Variants in USP10 observed in about 807,000 individuals in gnomAD.
USP10 encodes the protein ubiquitin specific peptidase 10.
In USP10, 22 loss-of-function variants were observed where a neutral mutation model predicts 84.5. The observed-to-expected ratio is 0.26, with a 90% CI of 0.19 to 0.37. USP10 has a LOEUF of 0.37. Among genes scored for constraint, USP10 ranks in the 10% least tolerant of loss-of-function variants. USP10 has a pLI of 1.00. For synonymous variants in USP10, 454 were observed against 387.6 expected, an observed-to-expected ratio of 1.17 and a Z score of -2.01; for missense variants, 1,019 against 998.9, an observed-to-expected ratio of 1.02 and a Z score of -0.27.
At chr16:84,708,053 G>C (rs980227262) in intron 1 of USP10, among the ~76,000 whole-genome samples, 7 of 152,108 alleles carry the variant, frequency 4.6e-5, no homozygotes, top group Non-Finnish European at 8.8e-5. Flanking sequence ...ACTTCAGCTT[G>C]GGTGACAGAG....
chr16:84,751,734 A>G (rs1052065027), intron 4 of USP10, among the ~76,000 whole-genome samples: 1 of 152,200 alleles, frequency 6.6e-6, no homozygotes, highest in Non-Finnish European at 1.5e-5. Context: ...GACAGTTAGA[A>G]TGATGACAGA....
chr16:84,707,034 T>C (rs112902901), intron 1 of USP10, among the ~76,000 whole-genome samples: 3 of 152,232 alleles, frequency 2.0e-5, no homozygotes, highest in Non-Finnish European at 4.4e-5. Flanking sequence ...CTCTGTCCTG[T>C]ATTATTATAA....
rs138509207 is a variant in USP10, at chr16:84,719,841, G to C, written c.22-13594G>C. Reference sequence around the variant, plus strand: ...TATACTTGCATAATTTAAATCTTTGGAGGGCATGTTTCGACAGATCATTAG... The same window carrying C: ...TATACTTGCATAATTTAAATCTTTGCAGGGCATGTTTCGACAGATCATTAG... On this transcript the variant is annotated intron_variant, in intron 1 of 13. Transcript: ENST00000219473. Among the ~76,000 whole-genome samples the C allele has an allele frequency of 8.8e-4, 134 of 152,344 alleles. 1 individual carries two copies. The highest frequency in any genetic ancestry group is 3.2e-3 in the African/African-American group (132 of 41,578).
intron 1 of USP10, among the ~76,000 whole-genome samples, chr16:84,700,892 C>G (rs1904781067): frequency 1.3e-5 from 2 of 151,866 alleles, no homozygotes; most frequent in Admixed American, 6.6e-5. Flanking sequence ...ATTCCCCTCT[C>G]CCACCCCTTC....
chr16:84,741,016 C>T (rs189609631), intron 3 of USP10, among the ~76,000 whole-genome samples: 19 of 152,308 alleles, frequency 1.2e-4, no homozygotes, highest in Admixed American at 6.5e-4. Flanking sequence ...TCAAACTTGT[C>T]GAGATCATTT....
At chr16:84,770,987 G>A (rs1914389583) in intron 11 of USP10, among the ~76,000 whole-genome samples, 1 of 151,854 alleles carries the variant, frequency 6.6e-6, no homozygotes, top group South Asian at 2.1e-4. Context: ...AACCCTGGAG[G>A]TGGAGGTTGC....
intron 1 of USP10, among the ~76,000 whole-genome samples, chr16:84,700,584 A>G (rs919625485): frequency 3.9e-5 from 6 of 152,132 alleles, no homozygotes; most frequent in Non-Finnish European, 5.9e-5. Flanking sequence ...CTTTGCCCCA[A>G]GAGCTTCCTT....
chr16:84,751,712 GAGAATGTTCTGGAC>G lies in USP10; in HGVS notation c.1192+6042_1192+6055del, dbSNP rs1911959662. Among the ~76,000 whole-genome samples, 3 of 152,294 alleles carry G rather than the reference GAGAATGTTCTGGAC, an allele frequency of 2.0e-5. No individual in the cohort carries two copies. The South Asian group carries it at 6.2e-4, about 32-fold the overall frequency. ...GTAATGAGGAAAAGAAAAGCACTTG[GAGAATGTTCTGGAC>G]AGTTAGAATGATGACAGAAAAGCAG... is the stretch of plus-strand genomic sequence containing the variant. On this transcript the variant is annotated intron_variant, in intron 4 of 13. Coordinates refer to ENST00000219473, the MANE Select transcript of USP10 (RefSeq NM_005153.3).
chr16:84,744,170 G>C (rs1910947155), intron 3 of USP10, among the ~76,000 whole-genome samples: 1 of 151,250 alleles, frequency 6.6e-6, no homozygotes. Flanking sequence ...CATGTTTTTG[G>C]AATTAATCAA....
chr16:84,720,576 A>ATTTTTTTTTTTTTTTTTT lies in USP10; in HGVS notation c.22-12853_22-12836dup, dbSNP rs10699847. Among the ~76,000 whole-genome samples, 380 of 88,334 alleles carry ATTTTTTTTTTTTTTTTTT rather than the reference A, an allele frequency of 4.3e-3. 28 individuals carry two copies. The highest frequency in any genetic ancestry group is 5.8e-3 in the Non-Finnish European group (291 of 50,274). 58.0% of individuals were successfully genotyped at this position (88,334 alleles called of 152,430 possible). ...ATGCAGAATAAAAAGATGATGCCCA[A>ATTTTTTTTTTTTTTTTTT]TTTTTTTTTTTTTTTTTTTTTTTGA... is the stretch of plus-strand genomic sequence containing the variant. On this transcript the variant is annotated intron_variant, in intron 1 of 13. Coordinates refer to ENST00000219473, the MANE Select transcript of USP10 (RefSeq NM_005153.3).
rs1210085989 is a variant in USP10 at position 84,779,030 on chromosome 16, C to T, written c.2345C>T (p.Thr782Ile). The T allele has an allele frequency of 6.2e-7, 1 of 1,614,012 alleles. No homozygotes were observed. Residue 782 changes from threonine to isoleucine, a missense_variant, in exon 14 of 14, where the codon ACT (threonine) becomes ATT (isoleucine). By Grantham distance (89) the Thr-to-Ile change is moderately conservative. Around this residue, in one of 2 missense-constraint regions of USP10, gnomAD observed 232 missense variants for 290.1 expected, o/e 0.80. Transcript: ENST00000219473. ...VINQYQVVKP[T>I]AERTAYLLYY... ...AACCAGTACCAGGTGGTGAAACCAACTGCTGAACGCACAGCCTACCTCCTG... is the reference window on the plus strand; with the variant it reads ...AACCAGTACCAGGTGGTGAAACCAATTGCTGAACGCACAGCCTACCTCCTG...
At chr16:84,774,461 A>G (rs1007455381) in intron 12 of USP10, among the ~76,000 whole-genome samples, 1 of 151,230 alleles carries the variant, frequency 6.6e-6, no homozygotes, top group African/African-American at 2.4e-5. Context: ...CTGTAACTGA[A>G]GTTTTGTTTT....
chr16:84,742,793 A>G (rs1392231690), intron 3 of USP10, among the ~76,000 whole-genome samples: 1 of 152,200 alleles, frequency 6.6e-6, no homozygotes, highest in Non-Finnish European at 1.5e-5. Flanking sequence ...TAGTGAGATG[A>G]TCAAACATGG....
chr16:84,764,679 A>T (rs1027111982), intron 10 of USP10, among the ~76,000 whole-genome samples: 3 of 152,080 alleles, frequency 2.0e-5, no homozygotes, highest in African/African-American at 7.3e-5. Context: ...AAAAATACAA[A>T]AATCAACCAG....
At chr16:84,713,439 CT>C (rs1906572245) in intron 1 of USP10, among the ~76,000 whole-genome samples, 1 of 152,102 alleles carries the variant, frequency 6.6e-6, no homozygotes, top group African/African-American at 2.4e-5. Flanking sequence ...CTCCAGAGCA[CT>C]TCACACCTAA....
At chr16:84,723,122 C>T (rs969779462) in intron 1 of USP10, among the ~76,000 whole-genome samples, 5 of 150,226 alleles carry the variant, frequency 3.3e-5, no homozygotes, top group East Asian at 3.9e-4. Flanking sequence ...TGACCGGCTC[C>T]GATACCTTCT....
chr16:84,745,297 C>A lies in USP10; in HGVS notation c.816C>A (p.Pro272=). Residue 272 remains proline, a synonymous_variant, in exon 4 of 14, where the codon CCC becomes CCA. Transcript: ENST00000219473. The part of the protein sequence containing the change: ...DTLSRTAGAQ[P]CVGTDTTENL... ...TGTCAAGGACAGCTGGGGCTCAGCC[C>A]TGCGTTGGTACCGATACTACTGAAA... 6.2e-7 allele frequency: 1 copy of A among 1,613,186 alleles called. No individual in the cohort carries two copies. The highest frequency in any genetic ancestry group is 8.5e-7 in the Non-Finnish European group (1 of 1,179,712).
At chr16:84,754,876 C>A (rs989972238) in intron 4 of USP10, among the ~76,000 whole-genome samples, 1 of 152,054 alleles carries the variant, frequency 6.6e-6, no homozygotes, top group African/African-American at 2.4e-5. Context: ...CACAGTGGCT[C>A]ACACCTGTAA....
chr16:84,706,661 C>T (rs998210055), intron 1 of USP10, among the ~76,000 whole-genome samples: 3 of 151,718 alleles, frequency 2.0e-5, no homozygotes, highest in African/African-American at 7.3e-5. Flanking sequence ...CTGCCTCAGC[C>T]TCCGGAGTAG....
Sources: allele counts gnomAD v4.1 joint callset (sites outside exome capture counted in the v4.1 genomes callset), GRCh38; gene constraint gnomAD v4.1.1; regional missense constraint gnomAD v4.1.1; transcripts MANE v1.5; gene names NCBI Gene and HGNC (gene_info 2026-07-23, HGNC 2026-07-21).